Variants in DPP6 observed in about 807,000 individuals in gnomAD.
DPP6 encodes dipeptidyl peptidase like 6.
DPP6 carries 69 observed loss-of-function variants against 122.6 expected under a neutral mutation model. That is an observed-to-expected ratio of 0.56 (90% CI 0.46 to 0.69). The LOEUF is 0.69. DPP6 is among the 30% of genes least tolerant of loss of function. The probability of loss-of-function intolerance (pLI) is 0.00; values close to 1 mark genes in which losing one functional copy is unlikely to be tolerated. For missense variants in DPP6, 928 were observed against 1,116.9 expected, an observed-to-expected ratio of 0.83 and a Z score of 2.41; for synonymous variants, 418 against 433.1, an observed-to-expected ratio of 0.97 and a Z score of 0.43.
intron 6 of DPP6, among the ~76,000 whole-genome samples, chr7:154,651,899 C>T (rs770068444): frequency 6.6e-6 from 1 of 152,170 alleles, no homozygotes; most frequent in Non-Finnish European, 1.5e-5. Flanking sequence ...AGGGCATCCT[C>T]ACACAAAGCC....
At chr7:154,394,408 TAA>T (rs10566484) in intron 1 of DPP6, among the ~76,000 whole-genome samples, 16,106 of 152,132 alleles carry the variant, frequency 0.11, 1,054 homozygotes, top group African/African-American at 0.18. Context: ...ACTGTCTATT[TAA>T]AAGTTCTGCC....
intron 7 of DPP6, among the ~76,000 whole-genome samples, chr7:154,706,625 G>A (rs1030440193): frequency 1.3e-5 from 2 of 152,244 alleles, no homozygotes; most frequent in African/African-American, 4.8e-5. Flanking sequence ...CATTAGAAGG[G>A]TGCCATCTCT....
chr7:154,169,273 G>A (rs1797414392), intron 1 of DPP6, among the ~76,000 whole-genome samples: 2 of 152,124 alleles, frequency 1.3e-5, no homozygotes, highest in Admixed American at 1.3e-4. Flanking sequence ...AGCAATCCCT[G>A]AAGCTGGAGG....
intron 1 of DPP6, among the ~76,000 whole-genome samples, chr7:154,361,532 T>C (rs1811718514): frequency 1.3e-5 from 2 of 151,664 alleles, no homozygotes; most frequent in African/African-American, 4.9e-5. Flanking sequence ...AGGTAATGCT[T>C]TCTGTTGGTT....
chr7:154,798,364 G>A (rs1798166132), intron 12 of DPP6, among the ~76,000 whole-genome samples: 1 of 152,134 alleles, frequency 6.6e-6, no homozygotes, highest in Non-Finnish European at 1.5e-5. Flanking sequence ...TAAAGTGTGG[G>A]GTAAGACAGC....
intron 1 of DPP6, among the ~76,000 whole-genome samples, chr7:154,291,496 C>T (rs945336408): frequency 5.3e-5 from 8 of 152,178 alleles, no homozygotes; most frequent in African/African-American, 1.4e-4. Flanking sequence ...TGCTCACTCA[C>T]GGCTTCTCCT....
In DPP6 at chr7:154,160,554, A is replaced by G. The variant is rs552489234; in HGVS notation, c.243+107491A>G. On this transcript the variant is annotated intron_variant, in intron 1 of 25. Coordinates refer to ENST00000377770, the MANE Select transcript of DPP6 (RefSeq NM_130797.4). Reference sequence around the variant, plus strand: ...GACACTTGGGTTATCTGGAGGACACATGGCCGTGAGAGGATGTGGCGCTTA... The same window carrying G: ...GACACTTGGGTTATCTGGAGGACACGTGGCCGTGAGAGGATGTGGCGCTTA... Among the ~76,000 whole-genome samples the G allele has an allele frequency of 2.6e-3, 393 of 152,288 alleles. 4 individuals carry two copies. Among genetic ancestry groups the G allele is most frequent in the African/African-American group, 9.1e-3 (378 of 41,572 alleles).
At chr7:153,987,350 G>A (rs1796899541) in intron 1 of DPP6, among the ~76,000 whole-genome samples, 4 of 152,220 alleles carry the variant, frequency 2.6e-5, no homozygotes, top group Non-Finnish European at 5.9e-5. Context: ...CTGGCTCCCA[G>A]ACTCCCCTTG....
chr7:154,509,956 A>G (rs527537046), intron 3 of DPP6, among the ~76,000 whole-genome samples: 34 of 152,174 alleles, frequency 2.2e-4, no homozygotes, highest in Non-Finnish European at 4.0e-4. Context: ...AAAGAAAGTG[A>G]TAGATCAAAG....
chr7:153,763,377 G>GA, the DPP6 span, among the ~76,000 whole-genome samples: 25,390 of 128,562 alleles, frequency 0.2, 2,731 homozygotes, highest in South Asian at 0.25. Context: ...GTACAAGTAA[G>GA]AAAAAAAAAA....
rs747357818 is a variant in DPP6 at position 154,803,915 on chromosome 7, G to C, written c.1459G>C (p.Val487Leu). ...GTCCATCACCTCCGGGGACTGGGACGTGACCAAGATCCTAGCCTACGATGA... is the reference window on the plus strand; with the variant it reads ...GTCCATCACCTCCGGGGACTGGGACCTGACCAAGATCCTAGCCTACGATGA... Reference protein sequence around the residue: ...IQSITSGDWDVTKILAYDEKG... With the variant: ...IQSITSGDWDLTKILAYDEKG... The change falls in exon 14 of 26, where the codon GTG becomes CTG. Residue 487 changes from valine (V) to leucine (L), a missense_variant. Coordinates refer to ENST00000377770, the MANE Select transcript of DPP6 (RefSeq NM_130797.4). 6.2e-7 allele frequency: 1 copy of C among 1,613,948 alleles called. No individual in the cohort carries two copies. The highest frequency in any genetic ancestry group is 8.5e-7 in the Non-Finnish European group (1 of 1,179,868).
In DPP6 at chr7:154,892,619, G is replaced by A. The variant is rs1329304507; in HGVS notation, c.*139G>A. 1.3e-6 allele frequency: 2 copies of A among 1,511,674 alleles called. No individual in the cohort carries two copies. The highest frequency in any genetic ancestry group is 1.8e-6 in the Non-Finnish European group (2 of 1,123,992). The allele number at this position is 1,511,674 out of a possible 1,614,324, so 93.6% of individuals were successfully genotyped here. Reference sequence around the variant, plus strand: ...CCATAGCATGTGTGTCTCGGATGCGGAAGGCAGTTTTGCTTGGGAAACAAG... The same window carrying A: ...CCATAGCATGTGTGTCTCGGATGCGAAAGGCAGTTTTGCTTGGGAAACAAG... On this transcript the variant is annotated 3_prime_UTR_variant, in exon 26 of 26. Transcript: ENST00000377770.
chr7:154,343,220 G>C (rs1041834049), intron 1 of DPP6, among the ~76,000 whole-genome samples: 2 of 152,210 alleles, frequency 1.3e-5, no homozygotes, highest in Admixed American at 6.5e-5. Flanking sequence ...ACACTTTGTG[G>C]CTTCCTGATT....
intron 1 of DPP6, among the ~76,000 whole-genome samples, chr7:153,982,340 A>G (rs1441601408): frequency 6.6e-6 from 1 of 151,428 alleles, no homozygotes; most frequent in African/African-American, 2.4e-5. Context: ...TGCTTCAGCT[A>G]TTGATACTTG....
intron 25 of DPP6, chr7:154,890,452 T>A (rs1480313833): frequency 6.6e-6 from 1 of 152,170 alleles, no homozygotes; most frequent in Non-Finnish European, 1.5e-5. Context: ...CACACTTGAG[T>A]TCCCTTGTGA....
chr7:154,323,553 G>C (rs1808161371), intron 1 of DPP6, among the ~76,000 whole-genome samples: 1 of 152,120 alleles, frequency 6.6e-6, no homozygotes, highest in Admixed American at 6.5e-5. Flanking sequence ...TGCTGCTTTT[G>C]GTCCCCTAAC....
upstream of DPP6, among the ~76,000 whole-genome samples, chr7:153,882,829 A>G (rs1273825387): frequency 2.0e-5 from 3 of 152,166 alleles, no homozygotes; most frequent in Non-Finnish European, 2.9e-5. Context: ...GGCAGATTCT[A>G]TGGGGCTTAG....
intron 16 of DPP6, among the ~76,000 whole-genome samples, chr7:154,843,862 C>G (rs1267273948): frequency 6.6e-6 from 1 of 152,224 alleles, no homozygotes; most frequent in Non-Finnish European, 1.5e-5. Flanking sequence ...GGTGGTTGTA[C>G]TGGCCACATG....
chr7:154,723,215 C>A (rs1841905511), intron 7 of DPP6, among the ~76,000 whole-genome samples: 1 of 152,110 alleles, frequency 6.6e-6, no homozygotes, highest in Non-Finnish European at 1.5e-5. Flanking sequence ...TGAGACTGAG[C>A]CACTGCACTC....
Sources: allele counts gnomAD v4.1 joint callset (sites outside exome capture counted in the v4.1 genomes callset), GRCh38; gene constraint gnomAD v4.1.1; transcripts MANE v1.5; gene names NCBI Gene and HGNC (gene_info 2026-07-23, HGNC 2026-07-21).